The following ZNF362 variants were observed in gnomAD, a reference collection of about 807,000 sequenced individuals.
The protein encoded by ZNF362 is rotund homolog.
Under a neutral mutation model 42.9 loss-of-function variants are expected in ZNF362, and 11 were observed. The ratio of observed to expected loss-of-function variants is 0.26; its 90% CI spans 0.16 to 0.42. The LOEUF (loss-of-function observed/expected upper bound fraction) is 0.42. Ranked by LOEUF, ZNF362 falls within the 20% of genes least tolerant of loss-of-function variation. The pLI, the probability that ZNF362 is intolerant of heterozygous loss-of-function variation, is 1.00. For synonymous variants in ZNF362, 255 were observed against 257.3 expected (o/e 0.99, Z 0.09); for missense variants, 362 against 576.2 (o/e 0.63, Z 3.81).
chr1:33,198,344 A>G, the ZNF362 span, among the ~76,000 whole-genome samples: 1 of 152,138 alleles, frequency 6.6e-6, no homozygotes, highest in East Asian at 1.9e-4. Flanking sequence ...TATCTCTATT[A>G]AATTTAAAAA....
chr1:33,132,611 T>A, the ZNF362 span, among the ~76,000 whole-genome samples: 1 of 152,248 alleles, frequency 6.6e-6, no homozygotes, highest in Non-Finnish European at 1.5e-5. Context: ...TTGCTCCTTC[T>A]CTATGCTCCC....
intron 1 of ZNF362, among the ~76,000 whole-genome samples, chr1:33,264,143 A>G (rs1405089368): frequency 6.6e-6 from 1 of 152,172 alleles, no homozygotes; most frequent in Non-Finnish European, 1.5e-5. Context: ...TTCCCTGTCC[A>G]GGACCCCTGA....
the ZNF362 span, among the ~76,000 whole-genome samples, chr1:33,229,461 T>C: frequency 1.0e-4 from 15 of 150,586 alleles, no homozygotes; most frequent in Non-Finnish European, 2.1e-4. Flanking sequence ...GGCTGGAGTG[T>C]AGTGGCATGA....
At chr1:33,274,323 A>G (rs1354660209) in intron 2 of ZNF362, among the ~76,000 whole-genome samples, 1 of 152,204 alleles carries the variant, frequency 6.6e-6, no homozygotes, top group East Asian at 1.9e-4. Flanking sequence ...TGAGCTATAA[A>G]ATGGGAATGA....
the ZNF362 span, chr1:33,165,567 C>G: frequency 6.2e-7 from 1 of 1,605,110 alleles, no homozygotes; most frequent in Middle Eastern, 1.7e-4. This position sits in a 1 kb window ranked among gnomAD's most constrained non-coding sequence, Gnocchi z 4.0. Context: ...TCAGCTCCCT[C>G]TGAAACACAC....
chr1:33,193,176 C>G, the ZNF362 span, among the ~76,000 whole-genome samples: 2 of 152,120 alleles, frequency 1.3e-5, no homozygotes, highest in African/African-American at 4.8e-5. Context: ...AGCTCAAAAG[C>G]TCAGGTGGAG....
intron 6 of ZNF362, among the ~76,000 whole-genome samples, chr1:33,287,051 G>T (rs939670398): frequency 6.6e-6 from 1 of 152,200 alleles, no homozygotes; most frequent in Non-Finnish European, 1.5e-5. Context: ...TGAAAGGAAG[G>T]CACAAGCAAA....
At chr1:33,209,832 T>C in the ZNF362 span, among the ~76,000 whole-genome samples, 1 of 152,170 alleles carries the variant, frequency 6.6e-6, no homozygotes, top group Non-Finnish European at 1.5e-5. Flanking sequence ...TTATTAGTCT[T>C]GCTAGTGGTC....
chr1:33,240,824 C>A, the ZNF362 span, among the ~76,000 whole-genome samples: 95 of 152,286 alleles, frequency 6.2e-4, no homozygotes, highest in South Asian at 7.2e-3. Flanking sequence ...ATGTGATTAC[C>A]TGGCGTTTTC....
the ZNF362 span, among the ~76,000 whole-genome samples, chr1:33,233,351 C>T: frequency 6.6e-6 from 1 of 152,112 alleles, no homozygotes; most frequent in African/African-American, 2.4e-5. Context: ...TTTAGCCTGC[C>T]TTTTCTCTGC....
At chr1:33,149,185 C>T in the ZNF362 span, among the ~76,000 whole-genome samples, 1 of 152,300 alleles carries the variant, frequency 6.6e-6, no homozygotes, top group East Asian at 1.9e-4. Context: ...CAGAGTCTTG[C>T]TTTATCCCCC....
Position 33,270,623 on chromosome 1 carries a change from T to A in ZNF362, c.38+11T>A, listed in dbSNP as rs1269605233. The A allele has an allele frequency of 6.2e-7, 1 of 1,612,490 alleles. No individual in the cohort carries two copies. Among genetic ancestry groups the A allele is most frequent in the Admixed American group, 1.7e-5 (1 of 59,608 alleles). On this transcript the variant is annotated intron_variant, in intron 2 of 8. Transcript: ENST00000539719. ...GAAAGGACACTCTAGGTAAGGAGCC[T>A]GTGATTCCAGGTTGCACTCTGTCAA...
At chr1:33,227,290 A>G in the ZNF362 span, among the ~76,000 whole-genome samples, 2 of 152,166 alleles carry the variant, frequency 1.3e-5, no homozygotes, top group South Asian at 4.1e-4. Flanking sequence ...CCTGGAATTG[A>G]GTGGGCTTGT....
intron 2 of ZNF362, chr1:33,274,807 G>T: frequency 2.9e-6 from 1 of 348,980 alleles, no homozygotes; most frequent in East Asian, 1.7e-4. Flanking sequence ...GCCTTGGACA[G>T]GTCTCCTCCT....
At chr1:33,265,810 C>A (rs181737197) in intron 1 of ZNF362, among the ~76,000 whole-genome samples, 3 of 152,120 alleles carry the variant, frequency 2.0e-5, no homozygotes, top group Admixed American at 6.5e-5. Flanking sequence ...CCATGTCCCC[C>A]CTATGTTCTT....
chr1:33,247,890 A>G, the ZNF362 span, among the ~76,000 whole-genome samples: 2 of 152,206 alleles, frequency 1.3e-5, no homozygotes, highest in Non-Finnish European at 2.9e-5. Flanking sequence ...GTGAACAGTC[A>G]TTGAGCACTG....
At chr1:33,240,316 T>C in the ZNF362 span, among the ~76,000 whole-genome samples, 369 of 152,322 alleles carry the variant, frequency 2.4e-3, 2 homozygotes, top group African/African-American at 8.5e-3. Context: ...TCGCGCTTTT[T>C]AAGAATTTAA....
chr1:33,232,671 C>T, the ZNF362 span, among the ~76,000 whole-genome samples: 6 of 152,234 alleles, frequency 3.9e-5, no homozygotes, highest in African/African-American at 1.4e-4. Flanking sequence ...AGGAAGCTGA[C>T]ACCGCTTGAA....
chr1:33,254,782 T>C (rs1219853115), upstream of ZNF362, among the ~76,000 whole-genome samples: 1 of 152,170 alleles, frequency 6.6e-6, no homozygotes, highest in East Asian at 1.9e-4. Context: ...AGCCTACTCC[T>C]AAAGAGTAGG....
Sources: gnomAD v4.1 joint callset for allele counts (sites outside exome capture counted in the v4.1 genomes callset) on GRCh38, gnomAD v4.1.1 for gene constraint, Gnocchi (gnomAD v3.1) non-coding constraint, MANE v1.5 for transcripts, NCBI Gene and HGNC (gene_info 2026-07-23, HGNC 2026-07-21) for gene names.